The following DOCK8 variants were observed in gnomAD, a reference collection of about 807,000 sequenced individuals.
DOCK8 encodes dedicator of cytokinesis protein 8.
In DOCK8, 141 loss-of-function variants were observed where a neutral mutation model predicts 245.6. The ratio of observed to expected loss-of-function variants is 0.57; its 90% CI spans 0.50 to 0.66. The LOEUF is 0.66. Among genes scored for constraint, DOCK8 ranks in the 30% least tolerant of loss-of-function variants. The pLI is 0.00. For missense variants in DOCK8, 2,965 were observed against 2,603.4 expected, an observed-to-expected ratio of 1.14 and a Z score of -3.02; for synonymous variants, 1,168 against 970.2, an observed-to-expected ratio of 1.20 and a Z score of -3.79.
At chr9:436,382 T>G (rs1031698988) in intron 39 of DOCK8, among the ~76,000 whole-genome samples, 4 of 152,246 alleles carry the variant, frequency 2.6e-5, no homozygotes, top group African/African-American at 4.8e-5. Context: ...TGTATTTGCT[T>G]CTTTTCTCAA....
chr9:377,963 C>A (rs573550917), intron 20 of DOCK8, among the ~76,000 whole-genome samples: 2 of 152,314 alleles, frequency 1.3e-5, no homozygotes, highest in African/African-American at 4.8e-5. Flanking sequence ...TCTTTATTTG[C>A]CACCATTTTC....
chr9:453,723 G>A (rs1296940240), intron 46 of DOCK8, among the ~76,000 whole-genome samples: 3 of 152,180 alleles, frequency 2.0e-5, no homozygotes, highest in East Asian at 1.9e-4. Context: ...CACCGTGCCC[G>A]GCCCTATTTT....
chr9:350,775 C>A (rs1177852385), intron 14 of DOCK8, among the ~76,000 whole-genome samples: 1 of 152,182 alleles, frequency 6.6e-6, no homozygotes, highest in African/African-American at 2.4e-5. Flanking sequence ...ACGTAGATAG[C>A]AACCTTAATG....
chr9:305,830 A>T (rs982475464), intron 5 of DOCK8, among the ~76,000 whole-genome samples: 1 of 152,170 alleles, frequency 6.6e-6, no homozygotes, highest in Admixed American at 6.5e-5. Flanking sequence ...CTATACACCT[A>T]TGCTCACAGC....
intron 45 of DOCK8, among the ~76,000 whole-genome samples, chr9:450,226 A>G (rs2057385087): frequency 1.3e-5 from 2 of 152,170 alleles, no homozygotes; most frequent in Non-Finnish European, 2.9e-5. Flanking sequence ...TATGATGCAA[A>G]TCTGGAGTCA....
chr9:464,110 CT>C, intron 47 of DOCK8, 48 bp from the exon 48 acceptor site: 1 of 1,500,364 alleles, frequency 6.7e-7, no homozygotes. Context: ...TCTTTTCTTG[CT>C]TCTGTACGCT....
intron 1 of DOCK8, among the ~76,000 whole-genome samples, chr9:260,064 G>A (rs544507652): frequency 2.0e-5 from 3 of 152,294 alleles, no homozygotes; most frequent in Non-Finnish European, 2.9e-5. Context: ...AGGGACATGG[G>A]CAAGAAACCA....
intron 5 of DOCK8, among the ~76,000 whole-genome samples, chr9:305,565 A>G (rs1969952): frequency 0.91 from 138,953 of 152,250 alleles, 63,463 homozygotes; most frequent in Admixed American, 0.94. Flanking sequence ...GATTACAGGC[A>G]TGAGCCACCA....
Position 269,641 on chromosome 9 carries a change from C to T in DOCK8, c.54-1986C>T, listed in dbSNP as rs62533370. On this transcript the variant is annotated intron_variant, in intron 1 of 47. Transcript: ENST00000432829. ...AGCAATCTCAGCTCACTGTGACCTC[C>T]GCCTCTCGGGTTCAAGCAATTGTCA... 7.2e-4 allele frequency among the ~76,000 whole-genome samples: 108 copies of T among 151,006 alleles called. 1 individual carries two copies. The highest frequency in any genetic ancestry group is 1.1e-3 in the Non-Finnish European group (77 of 67,766).
chr9:357,958 C>T (rs1341910879), intron 14 of DOCK8, among the ~76,000 whole-genome samples: 3 of 152,190 alleles, frequency 2.0e-5, no homozygotes, highest in Admixed American at 6.5e-5. Flanking sequence ...TAACCTAAAA[C>T]ATTGGAAACA....
chr9:241,934 T>C (rs927327511), intron 1 of DOCK8, among the ~76,000 whole-genome samples: 2 of 152,222 alleles, frequency 1.3e-5, no homozygotes, highest in African/African-American at 4.8e-5. Context: ...AAACATTTTT[T>C]AAAATGTTTG....
intron 1 of DOCK8, among the ~76,000 whole-genome samples, chr9:256,422 A>G (rs2047777326): frequency 6.6e-6 from 1 of 152,186 alleles, no homozygotes; most frequent in Non-Finnish European, 1.5e-5. Context: ...TTTCTGCTTC[A>G]GCTTCTTTTT....
chr9:316,010 C>G (rs1028835863), intron 6 of DOCK8, among the ~76,000 whole-genome samples: 1 of 151,330 alleles, frequency 6.6e-6, no homozygotes, highest in East Asian at 1.9e-4. Flanking sequence ...CACCCAGCAA[C>G]ATGGCCAACC....
At chr9:410,114 A>G (rs2055652901) in intron 28 of DOCK8, among the ~76,000 whole-genome samples, 1 of 152,142 alleles carries the variant, frequency 6.6e-6, no homozygotes, top group African/African-American at 2.4e-5. Context: ...ACTCCACTAT[A>G]TATTTTATTT....
chr9:335,364 A>G (rs1260720579), intron 11 of DOCK8, among the ~76,000 whole-genome samples: 6 of 152,160 alleles, frequency 3.9e-5, no homozygotes, highest in Non-Finnish European at 8.8e-5. Flanking sequence ...GTATCCACCA[A>G]ATATAGAAGT....
chr9:261,269 A>T (rs2047911171), intron 1 of DOCK8, among the ~76,000 whole-genome samples: 1 of 152,200 alleles, frequency 6.6e-6, no homozygotes. Context: ...CTATGTCTAA[A>T]TATTACATGT....
rs141072736 is a variant in DOCK8, at chr9:333,556, G to C, written c.1126-669G>C. ...GCGGAGGTTGCAGTGAGCCGAGATC[G>C]TGCCACTGCACTCCAGCCTGGGTGA... is the stretch of plus-strand genomic sequence containing the variant. On this transcript the variant is annotated intron_variant, in intron 10 of 47. Transcript: ENST00000432829. Among the ~76,000 whole-genome samples, 18 of 151,422 alleles carry C rather than the reference G, an allele frequency of 1.2e-4. No individual in the cohort carries two copies. The South Asian group carries it at 2.7e-3, about 23-fold the overall frequency.
intron 14 of DOCK8, chr9:366,628 TAAATG>T (rs956486879): frequency 2.6e-5 from 4 of 152,184 alleles, no homozygotes; most frequent in Admixed American, 6.5e-5. Context: ...AAAGGATAAA[TAAATG>T]AAAGGAGTTC....
intron 26 of DOCK8, among the ~76,000 whole-genome samples, chr9:400,245 C>CT (rs1586910220): frequency 8.6e-4 from 91 of 106,122 alleles, no homozygotes; most frequent in Middle Eastern, 4.7e-3. Flanking sequence ...TCACCACCAC[C>CT]TCCACCATCA....
Sources: allele counts gnomAD v4.1 joint callset (sites outside exome capture counted in the v4.1 genomes callset), GRCh38; gene constraint gnomAD v4.1.1; transcripts MANE v1.5; gene names NCBI Gene and HGNC (gene_info 2026-07-23, HGNC 2026-07-21).